The following LPXN variants were observed in gnomAD, a reference collection of about 807,000 sequenced individuals.
LPXN encodes the protein leupaxin.
Under a neutral mutation model 45.6 loss-of-function variants are expected in LPXN, and 28 were observed. That is an observed-to-expected ratio of 0.61 (90% confidence interval 0.45 to 0.84). The LOEUF is 0.84. Ranked by LOEUF, LPXN falls within the 40% of genes least tolerant of loss-of-function variation. LPXN has a pLI of 0.00. For synonymous variants in LPXN, 166 were observed against 169.9 expected (o/e 0.98, Z 0.18); for missense variants, 459 against 475.0 (o/e 0.97, Z 0.31).
intron 3 of LPXN, among the ~76,000 whole-genome samples, chr11:58,562,081 T>C (rs1320484605): frequency 6.6e-6 from 1 of 152,220 alleles, no homozygotes; most frequent in Admixed American, 6.5e-5. Flanking sequence ...AGGGGCTTCA[T>C]TGTGCTGGGT....
At chr11:58,577,979 C>T, upstream of LPXN, 2 of 1,548,608 alleles carry the variant, frequency 1.3e-6, no homozygotes, top group South Asian at 1.2e-5. Context: ...CAGATTTAGT[C>T]GCTGACCTCT....
At chr11:58,549,733 T>C in intron 7 of LPXN, 53 bp downstream of exon 7, 1 of 1,509,890 alleles carries the variant, frequency 6.6e-7, no homozygotes, top group Non-Finnish European at 9.2e-7. Context: ...GTGTTGCTGG[T>C]CTTATAACTA....
rs773898183 is a variant in LPXN at position 58,570,664 on chromosome 11, T to A, written c.63A>T (p.Glu21Asp). 3 of 1,613,958 alleles carry A rather than the reference T, an allele frequency of 1.9e-6. No individual in the cohort carries two copies. Among genetic ancestry groups the A allele is most frequent in the South Asian group, 1.1e-5 (1 of 91,068 alleles). Residue 21 changes from glutamate (E) to aspartate (D), a missense_variant, in exon 2 of 9, where the codon GAA becomes GAT. Coordinates refer to ENST00000395074, the MANE Select transcript of LPXN (RefSeq NM_004811.3). ...GGGGAAGAGGAGCTGGGTTGGAATA[T>A]TCATCACTGTCCTGAAGGGTGGAGC... is the stretch of plus-strand genomic sequence containing the variant. ...LERSTLQDSD[E>D]YSNPAPLPLD... is the part of the protein sequence containing the mutation.
At position 58,551,136 on chromosome 11, in the gene LPXN, A is replaced by G. The variant is rs779575184; in HGVS notation, c.415T>C (p.Leu139=). Residue 139 remains leucine (L), a synonymous_variant, in exon 5 of 9, where the codon TTG becomes CTG. Transcript: ENST00000395074. ...ACTGTGGCAATGCCAAGGTCCTGCA[A>G]TTCCTGCTCCAGACCCCCAAGCATT... is the stretch of plus-strand genomic sequence containing the variant. The part of the protein sequence containing the change: ...DSMLGGLEQE[L]QDLGIATVPK... The G allele has an allele frequency of 3.1e-6, 5 of 1,611,018 alleles. No homozygotes were observed. The highest frequency in any genetic ancestry group is 3.4e-5 in the Admixed American group (2 of 59,614).
intron 8 of LPXN, 146 bp from the exon 9 acceptor site, chr11:58,527,869 T>C (rs1853273555): frequency 1.8e-6 from 2 of 1,130,750 alleles, no homozygotes; most frequent in Admixed American, 2.6e-5. Context: ...GGAGACTAGA[T>C]TTCCCGCTTG....
intron 1 of LPXN, among the ~76,000 whole-genome samples, chr11:58,573,593 T>C (rs1854781688): frequency 6.6e-6 from 1 of 152,224 alleles, no homozygotes; most frequent in Non-Finnish European, 1.5e-5. Context: ...TCATGAGTTA[T>C]AGGCTTTTCT....
intron 2 of LPXN, among the ~76,000 whole-genome samples, chr11:58,568,059 G>A (rs1854575102): frequency 6.6e-6 from 1 of 152,054 alleles, no homozygotes; most frequent in African/African-American, 2.4e-5. Context: ...GCATCTCACA[G>A]GCCACCCACC....
At chr11:58,575,623 G>A (rs1280450498) in intron 1 of LPXN, 137 bp downstream of exon 1, 1 of 1,010,798 alleles carries the variant, frequency 9.9e-7, no homozygotes, top group Non-Finnish European at 1.6e-6. Flanking sequence ...CTCTTGGCAG[G>A]GCTGAGGACA....
At position 58,553,335 on chromosome 11, in the gene LPXN, CAAAAAAA is replaced by C. The variant is rs35629114; in HGVS notation, c.318+1499_318+1505del. On this transcript the variant is annotated intron_variant, in intron 4 of 8. Coordinates refer to ENST00000395074, the MANE Select transcript of LPXN (RefSeq NM_004811.3). ...TGGGTAACCGAGTAAGAATCTGTCT[CAAAAAAA>C]AAAAAAAAAAAAAAGATGGTGTTGT... Among the ~76,000 whole-genome samples, 4 of 68,426 alleles carry C rather than the reference CAAAAAAA, an allele frequency of 5.8e-5. No homozygotes were observed. In the Admixed American group the frequency reaches 6.2e-4, roughly 11 times the overall value. The allele number at this position is 68,426 out of a possible 152,430, so 44.9% of individuals were successfully genotyped here.
chr11:58,551,016 CAG>C (rs750458773), intron 5 of LPXN, 47 bp downstream of exon 5: 1 of 1,482,316 alleles, frequency 6.7e-7, no homozygotes, highest in South Asian at 1.4e-5. Flanking sequence ...CTTGATGAGA[CAG>C]AGAGAGACAA....
chr11:58,539,154 T>A (rs984302175), intron 7 of LPXN, among the ~76,000 whole-genome samples: 6 of 151,962 alleles, frequency 3.9e-5, no homozygotes, highest in African/African-American at 1.2e-4. Context: ...CAAAAAATTT[T>A]AAAAAATTAG....
chr11:58,553,142 T>C (rs1426315648), intron 4 of LPXN, among the ~76,000 whole-genome samples: 4 of 151,828 alleles, frequency 2.6e-5, no homozygotes, highest in Admixed American at 2.6e-4. Context: ...TTGAGACCAG[T>C]CTGGGCAACA....
chr11:58,552,970 G>C (rs551485472), intron 4 of LPXN, among the ~76,000 whole-genome samples: 1 of 152,300 alleles, frequency 6.6e-6, no homozygotes, highest in Non-Finnish European at 1.5e-5. Context: ...GTGCAGAGCT[G>C]AGAAGGAAAC....
upstream of LPXN, among the ~76,000 whole-genome samples, chr11:58,576,994 G>GTTGC (rs2134373034): frequency 6.6e-6 from 1 of 152,224 alleles, no homozygotes; most frequent in East Asian, 1.9e-4. Context: ...GTCTCCCTAT[G>GTTGC]TTGCCCAGGC....
intron 7 of LPXN, among the ~76,000 whole-genome samples, chr11:58,533,963 G>C (rs553753201): frequency 6.6e-6 from 1 of 152,216 alleles, no homozygotes; most frequent in East Asian, 1.9e-4. Flanking sequence ...TAATGCAACA[G>C]GAAGAACTAA....
upstream of LPXN, chr11:58,578,231 T>C: frequency 1.4e-6 from 1 of 697,850 alleles, no homozygotes; most frequent in Non-Finnish European, 2.2e-6. Context: ...ACGGCACGCG[T>C]CGCGACCTAA....
At chr11:58,576,822 G>T (rs929796410), upstream of LPXN, among the ~76,000 whole-genome samples, 1 of 152,098 alleles carries the variant, frequency 6.6e-6, no homozygotes, top group East Asian at 1.9e-4. Flanking sequence ...CCAGGCTGGC[G>T]TGCAAAGGTA....
chr11:58,572,208 TAAAA>T (rs886625005), intron 1 of LPXN, among the ~76,000 whole-genome samples: 1 of 146,884 alleles, frequency 6.8e-6, no homozygotes, highest in African/African-American at 2.5e-5. Flanking sequence ...CACAGGTCAT[TAAAA>T]AAAAAACAGA....
intron 2 of LPXN, among the ~76,000 whole-genome samples, chr11:58,567,858 A>G (rs1854569563): frequency 6.6e-6 from 1 of 152,222 alleles, no homozygotes; most frequent in African/African-American, 2.4e-5. Flanking sequence ...TGTAAAATTC[A>G]AAAGGCATTA....
Sources: gnomAD v4.1 joint callset for allele counts (sites outside exome capture counted in the v4.1 genomes callset) on GRCh38, gnomAD v4.1.1 for gene constraint, MANE v1.5 for transcripts, NCBI Gene and HGNC (gene_info 2026-07-23, HGNC 2026-07-21) for gene names.